Variants in DCC observed in about 807,000 individuals in gnomAD.
DCC encodes DCC netrin 1 receptor.
A neutral mutation model predicts 172.5 loss-of-function variants in DCC; 58 were observed. That is an observed-to-expected ratio of 0.34 (90% CI 0.27 to 0.42). The LOEUF (loss-of-function observed/expected upper bound fraction) is 0.42, where lower values mean the gene tolerates loss of function less well. Among genes scored for constraint, DCC ranks in the 10% least tolerant of loss-of-function variants. The probability of loss-of-function intolerance (pLI) is 1.00; values close to 1 mark genes in which losing one functional copy is unlikely to be tolerated. For synonymous variants in DCC, 709 were observed against 644.5 expected, an observed-to-expected ratio of 1.10 and a Z score of -1.52; for missense variants, 1,740 against 1,791.0, an observed-to-expected ratio of 0.97 and a Z score of 0.51.
intron 1 of DCC, among the ~76,000 whole-genome samples, chr18:52,367,410 G>A (rs1275044194): frequency 6.6e-6 from 1 of 152,212 alleles, no homozygotes; most frequent in Non-Finnish European, 1.5e-5. Flanking sequence ...GCCCAGGCAG[G>A]GGAGGTGCCA....
At chr18:52,409,751 GC>G (rs1360051813) in intron 1 of DCC, among the ~76,000 whole-genome samples, 14 of 152,138 alleles carry the variant, frequency 9.2e-5, no homozygotes, top group Middle Eastern at 3.2e-3. Context: ...ATTCAAAAAG[GC>G]TAACAATTCA....
intron 1 of DCC, among the ~76,000 whole-genome samples, chr18:52,597,791 A>G (rs904293194): frequency 1.2e-4 from 19 of 152,232 alleles, no homozygotes; most frequent in African/African-American, 4.1e-4. Context: ...CAAGCAAGAC[A>G]TTCAACAAAA....
chr18:52,952,331 T>C (rs949819131), intron 5 of DCC, among the ~76,000 whole-genome samples: 2 of 152,214 alleles, frequency 1.3e-5, no homozygotes, highest in East Asian at 1.9e-4. Flanking sequence ...ATCCCCTCTA[T>C]TAATGTCTTC....
intron 2 of DCC, among the ~76,000 whole-genome samples, chr18:52,775,470 A>G (rs1201987820): frequency 6.6e-6 from 1 of 152,204 alleles, no homozygotes; most frequent in Non-Finnish European, 1.5e-5. Flanking sequence ...ATCAGATCAC[A>G]CGTGAGCTTG....
chr18:52,530,104 A>G (rs894476909), intron 1 of DCC, among the ~76,000 whole-genome samples: 1 of 152,246 alleles, frequency 6.6e-6, no homozygotes, highest in Non-Finnish European at 1.5e-5. Flanking sequence ...ATGAAATGTA[A>G]AAATAATATA....
At chr18:53,134,916 C>A (rs544216817) in intron 7 of DCC, among the ~76,000 whole-genome samples, 1 of 152,060 alleles carries the variant, frequency 6.6e-6, no homozygotes, top group Non-Finnish European at 1.5e-5. Flanking sequence ...CAGCTGATTC[C>A]GACTCATTCA....
chr18:53,250,743 T>C (rs750284664), intron 12 of DCC, among the ~76,000 whole-genome samples: 16 of 151,890 alleles, frequency 1.1e-4, no homozygotes, highest in South Asian at 2.1e-4. Flanking sequence ...CTGTCTACCA[T>C]ATTAACAAAA....
chr18:52,888,023 A>G (rs1275287428), intron 2 of DCC, among the ~76,000 whole-genome samples: 6 of 152,258 alleles, frequency 3.9e-5, no homozygotes, highest in Non-Finnish European at 7.3e-5. Context: ...TTTATCACTT[A>G]ATAAATGAAG....
At chr18:53,318,267 C>T (rs1240823833) in intron 13 of DCC, among the ~76,000 whole-genome samples, 2 of 152,236 alleles carry the variant, frequency 1.3e-5, no homozygotes, top group South Asian at 2.1e-4. Context: ...CCAGGTTGTT[C>T]AGTTTCCATG....
At chr18:53,242,055 A>C (rs1227588546) in intron 12 of DCC, among the ~76,000 whole-genome samples, 5 of 152,154 alleles carry the variant, frequency 3.3e-5, no homozygotes, top group Admixed American at 2.0e-4. Flanking sequence ...AGTCTTTTTA[A>C]AAAGTTTTCC....
At chr18:52,963,243 TTAAG>T (rs2040873255) in intron 5 of DCC, among the ~76,000 whole-genome samples, 1 of 151,892 alleles carries the variant, frequency 6.6e-6, no homozygotes, top group African/African-American at 2.4e-5. Flanking sequence ...CTAAAGATCT[TTAAG>T]TATTTTTATT....
At chr18:52,345,972 G>A (rs1393525710) in intron 1 of DCC, among the ~76,000 whole-genome samples, 2 of 152,228 alleles carry the variant, frequency 1.3e-5, no homozygotes, top group Non-Finnish European at 2.9e-5. Flanking sequence ...TCCCCAAAAT[G>A]GTGTTACCAG....
intron 5 of DCC, among the ~76,000 whole-genome samples, chr18:52,997,126 A>T (rs1243961391): frequency 6.6e-6 from 1 of 152,126 alleles, no homozygotes; most frequent in African/African-American, 2.4e-5. Context: ...AAACAAATAT[A>T]CAATGTATCC....
chr18:52,680,790 G>A (rs145165740), intron 1 of DCC, among the ~76,000 whole-genome samples: 1 of 151,888 alleles, frequency 6.6e-6, no homozygotes, highest in African/African-American at 2.4e-5. Context: ...TGTTGTTAAA[G>A]GAAAAAATCT....
intron 2 of DCC, 116 bp downstream of exon 2, chr18:52,752,490 T>A: frequency 1.2e-6 from 1 of 814,696 alleles, no homozygotes; most frequent in Non-Finnish European, 2.0e-6. Flanking sequence ...ATCTTTTAAA[T>A]TTTAAGTTGA....
At chr18:52,354,008 A>G (rs1271675273) in intron 1 of DCC, among the ~76,000 whole-genome samples, 1 of 152,212 alleles carries the variant, frequency 6.6e-6, no homozygotes, top group Admixed American at 6.5e-5. Flanking sequence ...AATTTAATAA[A>G]TCTTTAAGAA....
At chr18:52,430,993 C>T (rs2144467205) in intron 1 of DCC, among the ~76,000 whole-genome samples, 2 of 152,078 alleles carry the variant, frequency 1.3e-5, no homozygotes, top group East Asian at 1.9e-4. Flanking sequence ...TTAGGTTCAC[C>T]CCACAAAACT....
At chr18:52,915,251 C>A (rs1353017934) in intron 3 of DCC, among the ~76,000 whole-genome samples, 1 of 152,130 alleles carries the variant, frequency 6.6e-6, no homozygotes, top group Non-Finnish European at 1.5e-5. Flanking sequence ...ACTGCATTAG[C>A]ATAAATTCTT....
rs372885437 is a variant in DCC, at chr18:53,300,962, A to ATTCTTTCT, written c.1912-4593_1912-4586dup. Among the ~76,000 whole-genome samples the ATTCTTTCT allele has an allele frequency of 9.5e-4, 114 of 120,312 alleles. 3 individuals carry two copies. Among genetic ancestry groups the ATTCTTTCT allele is most frequent in the African/African-American group, 3.1e-3 (106 of 34,648 alleles). The allele number at this position is 120,312 out of a possible 152,430, so 78.9% of individuals were successfully genotyped here. On this transcript the variant is annotated intron_variant, in intron 12 of 28. Coordinates refer to ENST00000442544, the MANE Select transcript of DCC (RefSeq NM_005215.4). ...ATTATTTGACGTTGGTTCTGGATTCATTCTTTCTTTCTTTCTTTCTTTCTT... is the reference window on the plus strand; with the variant it reads ...ATTATTTGACGTTGGTTCTGGATTCATTCTTTCTTTCTTTCTTTCTTTCTTTCTTTCTT...
Sources: allele counts gnomAD v4.1 joint callset (sites outside exome capture counted in the v4.1 genomes callset), GRCh38; gene constraint gnomAD v4.1.1; transcripts MANE v1.5; gene names NCBI Gene and HGNC (gene_info 2026-07-23, HGNC 2026-07-21).